THNSL1: variants seen among roughly 807,000 people sequenced by gnomAD.
The protein encoded by THNSL1 is threonine synthase-like 1.
Under a neutral mutation model 50.4 loss-of-function variants are expected in THNSL1, and 48 were observed. That is an observed-to-expected ratio of 0.95 (90% CI 0.76 to 1.21). The LOEUF (loss-of-function observed/expected upper bound fraction) is 1.21. THNSL1 is among the 50% of genes most tolerant of loss of function. The probability of loss-of-function intolerance (pLI) is 0.00; values close to 1 mark genes in which losing one functional copy is unlikely to be tolerated. For synonymous variants in THNSL1, 309 were observed against 306.1 expected, an observed-to-expected ratio of 1.01 and a Z score of -0.10; for missense variants, 896 against 871.7, an observed-to-expected ratio of 1.03 and a Z score of -0.35.
the THNSL1 span, among the ~76,000 whole-genome samples, chr10:24,990,867 G>T: frequency 7.0e-6 from 1 of 143,132 alleles, no homozygotes; most frequent in Non-Finnish European, 1.5e-5. Context: ...GCTGAGGGGT[G>T]GGGGGGTGGA....
At chr10:24,977,302 C>T in the THNSL1 span, among the ~76,000 whole-genome samples, 1 of 152,044 alleles carries the variant, frequency 6.6e-6, no homozygotes, top group Non-Finnish European at 1.5e-5. Flanking sequence ...ACATTTAGAA[C>T]AATAAGAAGT....
chr10:24,960,814 T>C, the THNSL1 span, among the ~76,000 whole-genome samples: 1 of 152,076 alleles, frequency 6.6e-6, no homozygotes, highest in Non-Finnish European at 1.5e-5. Context: ...GGTTTCGAAC[T>C]CCTGGGCTCA....
Position 25,024,263 on chromosome 10 carries a change from C to T in THNSL1, c.1040C>T (p.Thr347Ile). ...ATCCTGGAGTTGTTTCATGGACCAACAGGATCATTTAAAGATTTGTCTTTA... is the reference window on the plus strand; with the variant it reads ...ATCCTGGAGTTGTTTCATGGACCAATAGGATCATTTAAAGATTTGTCTTTA... ...QFILELFHGP[T>I]GSFKDLSLQL... The change falls in exon 3 of 3, where the codon ACA (threonine) becomes ATA (isoleucine). Residue 347 changes from threonine (T) to isoleucine (I), a missense_variant. Transcript: ENST00000376356. 1 of 1,614,206 alleles carries T rather than the reference C, an allele frequency of 6.2e-7. No homozygotes were observed. Among genetic ancestry groups the T allele is most frequent in the Non-Finnish European group, 8.5e-7 (1 of 1,180,032 alleles).
chr10:24,959,312 A>G, the THNSL1 span, among the ~76,000 whole-genome samples: 1 of 152,236 alleles, frequency 6.6e-6, no homozygotes, highest in African/African-American at 2.4e-5. Flanking sequence ...GATGTATAAC[A>G]GCCACTGGCA....
intron 1 of THNSL1, among the ~76,000 whole-genome samples, chr10:25,017,180 T>G (rs566287665): frequency 6.6e-6 from 1 of 152,246 alleles, no homozygotes; most frequent in South Asian, 2.1e-4. Context: ...AGAAGCCTTT[T>G]AAGTGGGCCT....
In THNSL1 at chr10:25,025,636, AT is replaced by A. The variant is rs1312985767; in HGVS notation, c.*182del. On this transcript the variant is annotated 3_prime_UTR_variant, in exon 3 of 3. Coordinates refer to ENST00000376356, the MANE Select transcript of THNSL1 (RefSeq NM_024838.5). ...TCCATGTCACCTCCTCAGATCTTTAATCTGGAAGTGACAAAAGGTAACACAG... is the reference window on the plus strand; with the variant it reads ...TCCATGTCACCTCCTCAGATCTTTAACTGGAAGTGACAAAAGGTAACACAG... 4 of 629,444 alleles carry A rather than the reference AT, an allele frequency of 6.4e-6. No individual in the cohort carries two copies. Among genetic ancestry groups the A allele is most frequent in the Non-Finnish European group, 1.1e-5 (4 of 361,162 alleles). 39.0% of individuals were successfully genotyped at this position (629,444 alleles called of 1,614,324 possible). A position where few individuals can be genotyped will look rare whatever the true frequency, so the allele number is the denominator to read the frequency against.
At chr10:25,001,363 C>G in the THNSL1 span, among the ~76,000 whole-genome samples, 2 of 150,512 alleles carry the variant, frequency 1.3e-5, no homozygotes, top group South Asian at 4.2e-4. Context: ...GGTAATGTCT[C>G]TTGGTATTCT....
chr10:24,999,126 T>C, the THNSL1 span, among the ~76,000 whole-genome samples: 1 of 152,200 alleles, frequency 6.6e-6, no homozygotes, highest in African/African-American at 2.4e-5. Flanking sequence ...TTGTTTATAA[T>C]TGAAGCCCCA....
the THNSL1 span, among the ~76,000 whole-genome samples, chr10:24,986,453 T>C: frequency 2.0e-5 from 3 of 152,200 alleles, no homozygotes; most frequent in East Asian, 1.9e-4. Flanking sequence ...TGACAGTGTA[T>C]GCGATGTATT....
the THNSL1 span, among the ~76,000 whole-genome samples, chr10:25,000,324 T>C: frequency 3.9e-4 from 60 of 152,290 alleles, no homozygotes; most frequent in African/African-American, 1.3e-3. Context: ...GTTCTATAAA[T>C]GACAACTAGG....
At chr10:24,958,337 A>T in the THNSL1 span, among the ~76,000 whole-genome samples, 1 of 152,222 alleles carries the variant, frequency 6.6e-6, no homozygotes, top group Non-Finnish European at 1.5e-5. Flanking sequence ...AATGATGATG[A>T]TATTTTGCTT....
the THNSL1 span, among the ~76,000 whole-genome samples, chr10:24,970,628 A>T: frequency 1.3e-5 from 2 of 151,994 alleles, no homozygotes; most frequent in African/African-American, 4.8e-5. Context: ...CAGGAGGATC[A>T]CTTGAGCCCA....
intron 1 of THNSL1, among the ~76,000 whole-genome samples, chr10:25,020,238 A>ATATTTC (rs1850689831): frequency 7.9e-6 from 1 of 126,564 alleles, no homozygotes. Flanking sequence ...TTTCTTTAAA[A>ATATTTC]TATATCTATA....
At position 25,024,562 on chromosome 10, in the gene THNSL1, A is replaced by G. The variant is rs778511093; in HGVS notation, c.1339A>G (p.Ile447Val). The G allele has an allele frequency of 6.2e-7, 1 of 1,614,116 alleles. No individual in the cohort carries two copies. Among genetic ancestry groups the G allele is most frequent in the African/African-American group, 1.3e-5 (1 of 75,024 alleles). Residue 447 changes from isoleucine to valine, a missense_variant, in exon 3 of 3, where the codon ATT (isoleucine) becomes GTT (valine). By Grantham distance (29) the Ile-to-Val change is conservative. Coordinates refer to ENST00000376356, the MANE Select transcript of THNSL1 (RefSeq NM_024838.5). ...FDFCQTAIKR[I>V]FNDSDFTGFL... ...TTTTTGCCAGACAGCTATAAAAAGA[A>G]TTTTTAATGATTCTGATTTTACTGG...
chr10:24,966,075 G>T, the THNSL1 span, among the ~76,000 whole-genome samples: 1 of 152,190 alleles, frequency 6.6e-6, no homozygotes, highest in Non-Finnish European at 1.5e-5. Context: ...CTCAATAGAG[G>T]ATGCCCTTAA....
At chr10:24,991,065 C>T in the THNSL1 span, among the ~76,000 whole-genome samples, 3 of 152,174 alleles carry the variant, frequency 2.0e-5, no homozygotes, top group Non-Finnish European at 4.4e-5. Context: ...CCACTGCACT[C>T]CAGCCTGGGT....
the THNSL1 span, among the ~76,000 whole-genome samples, chr10:24,958,214 C>G: frequency 9.9e-5 from 15 of 152,012 alleles, no homozygotes; most frequent in African/African-American, 3.4e-4. Flanking sequence ...ACCTTTCAGT[C>G]TGGGAATTGT....
At chr10:24,984,402 A>C in the THNSL1 span, 2 of 1,548,994 alleles carry the variant, frequency 1.3e-6, no homozygotes, top group Non-Finnish European at 1.8e-6. Context: ...AAAAAAAGTG[A>C]AGTTCTGAGT....
the THNSL1 span, chr10:24,990,756 T>C: frequency 2.5e-6 from 2 of 793,108 alleles, no homozygotes; most frequent in Non-Finnish European, 3.7e-6. Flanking sequence ...TTCAGTGACT[T>C]TTTTCCCTCC....
Sources: allele counts gnomAD v4.1 joint callset (sites outside exome capture counted in the v4.1 genomes callset), GRCh38; gene constraint gnomAD v4.1.1; transcripts MANE v1.5; gene names NCBI Gene and HGNC (gene_info 2026-07-23, HGNC 2026-07-21).